Variants in PDE10A observed in about 807,000 individuals in gnomAD.
The protein encoded by PDE10A is cAMP and cAMP-inhibited cGMP 3',5'-cyclic phosphodiesterase 10A.
PDE10A carries 39 observed loss-of-function variants against 97.7 expected under a neutral mutation model. The ratio of observed to expected loss-of-function variants is 0.40; its 90% CI spans 0.31 to 0.52. PDE10A has a LOEUF of 0.52. Ranked by LOEUF, PDE10A falls within the 20% of genes least tolerant of loss-of-function variation. The pLI is 0.56. For synonymous variants in PDE10A, 371 were observed against 376.8 expected, an observed-to-expected ratio of 0.98 and a Z score of 0.18; for missense variants, 731 against 1,047.8, an observed-to-expected ratio of 0.70 and a Z score of 4.17.
intron 1 of PDE10A, among the ~76,000 whole-genome samples, chr6:165,935,634 T>C (rs539011897): frequency 1.2e-4 from 19 of 152,190 alleles, no homozygotes; most frequent in Admixed American, 3.3e-4. Flanking sequence ...AAAAGTAGGG[T>C]TCATGTGCTG....
chr6:165,545,271 C>A, intron 1 of PDE10A: 1 of 481,946 alleles, frequency 2.1e-6, no homozygotes, highest in South Asian at 1.5e-5. Flanking sequence ...GGAATCTTAA[C>A]ATATTTTTAA....
At chr6:165,494,534 ATATT>A (rs1554273389) in intron 2 of PDE10A, among the ~76,000 whole-genome samples, 26 of 144,332 alleles carry the variant, frequency 1.8e-4, no homozygotes, top group African/African-American at 3.9e-4. Context: ...ATATATATAT[ATATT>A]TATTTATTTA....
intron 1 of PDE10A, among the ~76,000 whole-genome samples, chr6:165,555,461 C>T (rs1784207853): frequency 6.6e-6 from 1 of 152,182 alleles, no homozygotes; most frequent in African/African-American, 2.4e-5. Flanking sequence ...TGACTTGTGA[C>T]AGTTAATTCA....
chr6:165,368,664 A>T (rs1259541349), intron 18 of PDE10A, among the ~76,000 whole-genome samples: 1 of 152,176 alleles, frequency 6.6e-6, no homozygotes, highest in Non-Finnish European at 1.5e-5. Flanking sequence ...ACTAAACAGT[A>T]CATTAAAAAG....
intron 18 of PDE10A, among the ~76,000 whole-genome samples, chr6:165,362,317 G>A (rs1783474241): frequency 6.6e-6 from 1 of 152,020 alleles, no homozygotes; most frequent in African/African-American, 2.4e-5. Context: ...AAGACAGAGA[G>A]GGAGAGGGAG....
upstream of PDE10A, among the ~76,000 whole-genome samples, chr6:165,663,515 T>G (rs374105109): frequency 2.6e-4 from 39 of 152,362 alleles, no homozygotes; most frequent in East Asian, 6.0e-3. Flanking sequence ...GCCTGCCCGT[T>G]GCCCGAGCCA....
chr6:165,359,582 C>T (rs896514508), intron 18 of PDE10A, among the ~76,000 whole-genome samples: 10 of 152,106 alleles, frequency 6.6e-5, no homozygotes, highest in African/African-American at 2.2e-4. Context: ...TCCTTAAAAT[C>T]AATTTTTGTT....
chr6:165,859,450 T>C (rs1000153017), intron 1 of PDE10A, among the ~76,000 whole-genome samples: 7 of 152,226 alleles, frequency 4.6e-5, no homozygotes, highest in Non-Finnish European at 8.8e-5. Flanking sequence ...CTCCTTCCCT[T>C]GGGGGCCACT....
chr6:165,434,822 A>T (rs530116582), intron 6 of PDE10A, among the ~76,000 whole-genome samples: 38 of 152,340 alleles, frequency 2.5e-4, no homozygotes, highest in Non-Finnish European at 2.8e-4. Context: ...AGACCAGCAG[A>T]ATAACCCAGT....
chr6:165,958,745 A>AAG (rs113981897), intron 1 of PDE10A, among the ~76,000 whole-genome samples: 2 of 27,332 alleles, frequency 7.3e-5, no homozygotes, highest in African/African-American at 1.6e-4. Context: ...GAAAGAAAGA[A>AAG]AGAGAAAGAA....
At chr6:165,806,654 C>CA (rs541921495) in intron 1 of PDE10A, among the ~76,000 whole-genome samples, 426 of 151,918 alleles carry the variant, frequency 2.8e-3, no homozygotes, top group African/African-American at 5.5e-3. Context: ...TGAGCGCCCC[C>CA]CCCCAGGCTC....
intron 2 of PDE10A, among the ~76,000 whole-genome samples, chr6:165,523,812 A>C (rs1562546401): frequency 6.6e-6 from 1 of 152,172 alleles, no homozygotes; most frequent in Non-Finnish European, 1.5e-5. Flanking sequence ...ACTATTAACA[A>C]ACAGACCATT....
At chr6:165,446,817 C>A (rs955004077) in intron 5 of PDE10A, among the ~76,000 whole-genome samples, 1 of 151,918 alleles carries the variant, frequency 6.6e-6, no homozygotes, top group African/African-American at 2.4e-5. Context: ...CCCTGAGATG[C>A]GGGAAAGAAA....
At chr6:165,361,251 A>C (rs557760173) in intron 18 of PDE10A, among the ~76,000 whole-genome samples, 1 of 152,334 alleles carries the variant, frequency 6.6e-6, no homozygotes, top group South Asian at 2.1e-4. Flanking sequence ...CACAGAATAT[A>C]TATTCTTTTT....
intron 1 of PDE10A, among the ~76,000 whole-genome samples, chr6:165,778,913 G>C (rs1778269850): frequency 6.6e-6 from 1 of 151,962 alleles, no homozygotes. Flanking sequence ...ATGTATTCTA[G>C]GTCCAAATCC....
intron 1 of PDE10A, among the ~76,000 whole-genome samples, chr6:165,673,226 C>G (rs930663008): frequency 8.5e-5 from 13 of 152,196 alleles, no homozygotes. Flanking sequence ...CACTTTAGAA[C>G]TAGATATGGC....
At chr6:165,764,615 T>G (rs1400455854) in intron 1 of PDE10A, among the ~76,000 whole-genome samples, 2 of 152,042 alleles carry the variant, frequency 1.3e-5, no homozygotes, top group African/African-American at 4.8e-5. Flanking sequence ...ACCTTCGCAG[T>G]GAGTGTTAAC....
chr6:165,944,427 G>A (rs967009277), intron 1 of PDE10A, among the ~76,000 whole-genome samples: 1 of 152,136 alleles, frequency 6.6e-6, no homozygotes, highest in Non-Finnish European at 1.5e-5. Flanking sequence ...TGGACATGGT[G>A]GGCCCCCAGG....
intron 1 of PDE10A, among the ~76,000 whole-genome samples, chr6:165,730,471 G>A (rs1048285972): frequency 6.6e-5 from 10 of 152,190 alleles, no homozygotes; most frequent in Non-Finnish European, 1.3e-4. Context: ...AGATGACAAG[G>A]CCGGGAGAGG....
Sources: gnomAD v4.1 joint callset for allele counts (sites outside exome capture counted in the v4.1 genomes callset) on GRCh38, gnomAD v4.1.1 for gene constraint, MANE v1.5 for transcripts, NCBI Gene and HGNC (gene_info 2026-07-23, HGNC 2026-07-21) for gene names.